BTG4: variants seen among roughly 807,000 people sequenced by gnomAD.
BTG4 encodes the protein protein BTG4.
BTG4 carries 10 observed loss-of-function variants against 19.3 expected under a neutral mutation model. The ratio of observed to expected loss-of-function variants is 0.52; its 90% CI spans 0.32 to 0.88. BTG4 has a LOEUF of 0.88. BTG4 is among the 40% of genes least tolerant of loss of function. BTG4 has a pLI of 0.04. For synonymous variants in BTG4, 91 were observed against 95.7 expected (o/e 0.95, Z 0.29); for missense variants, 238 against 281.9 (o/e 0.84, Z 1.11).
At chr11:111,434,331 C>T in the BTG4 span, among the ~76,000 whole-genome samples, 3 of 152,142 alleles carry the variant, frequency 2.0e-5, no homozygotes, top group African/African-American at 7.2e-5. Context: ...TGTTCTCACT[C>T]ATAAGTGGGA....
At chr11:111,482,453 T>A (rs900675108) in intron 5 of BTG4, among the ~76,000 whole-genome samples, 1 of 152,060 alleles carries the variant, frequency 6.6e-6, no homozygotes, top group Non-Finnish European at 1.5e-5. Context: ...ATAGACAAGA[T>A]CATTCCAAAA....
At chr11:111,435,615 C>A in the BTG4 span, among the ~76,000 whole-genome samples, 1 of 152,180 alleles carries the variant, frequency 6.6e-6, no homozygotes, top group Admixed American at 6.5e-5. Flanking sequence ...AAACAAGCTG[C>A]CTACCCTGTC....
intron 2 of BTG4, 151 bp from the exon 3 acceptor site, chr11:111,498,286 G>GT: frequency 1.2e-6 from 1 of 834,144 alleles, no homozygotes; most frequent in Non-Finnish European, 1.9e-6. Context: ...ACTCTTACAA[G>GT]TAAGACATCA....
At chr11:111,446,203 G>C in the BTG4 span, among the ~76,000 whole-genome samples, 87,542 of 152,086 alleles carry the variant, frequency 0.58, 25,735 homozygotes, top group East Asian at 0.64. Flanking sequence ...GAGCGAACAG[G>C]CTTCAGAGCA....
intron 1 of BTG4, among the ~76,000 whole-genome samples, chr11:111,506,383 GAA>G (rs1389432337): frequency 6.6e-6 from 1 of 152,068 alleles, no homozygotes; most frequent in Non-Finnish European, 1.5e-5. Context: ...CCCAGAAGCA[GAA>G]AATAAAATAT....
chr11:111,465,561 T>G (rs111985287), downstream of BTG4, among the ~76,000 whole-genome samples: 630 of 152,280 alleles, frequency 4.1e-3, 3 homozygotes, highest in African/African-American at 0.014. Flanking sequence ...CCTGGATAGG[T>G]CAAGAAAGTA....
intron 1 of BTG4, among the ~76,000 whole-genome samples, chr11:111,507,275 T>C (rs948539826): frequency 1.3e-5 from 2 of 152,198 alleles, no homozygotes; most frequent in Non-Finnish European, 2.9e-5. Flanking sequence ...AGGGGAAAGT[T>C]TATTAACTTT....
chr11:111,403,319 T>C, the BTG4 span, among the ~76,000 whole-genome samples: 4 of 152,214 alleles, frequency 2.6e-5, no homozygotes, highest in South Asian at 8.3e-4. Flanking sequence ...AACACTTCTG[T>C]TGTTTTCCTC....
intron 1 of BTG4, among the ~76,000 whole-genome samples, chr11:111,501,166 G>T (rs1316201579): frequency 6.6e-6 from 1 of 152,096 alleles, no homozygotes; most frequent in East Asian, 1.9e-4. Flanking sequence ...AGGAGTTTGA[G>T]GCCGGCCTGG....
At chr11:111,473,378 A>G (rs909520930) in intron 5 of BTG4, 1 of 152,624 alleles carries the variant, frequency 6.6e-6, no homozygotes, top group Non-Finnish European at 1.5e-5. Context: ...CTGCAGAACA[A>G]CAAATCCTAA....
At chr11:111,445,418 C>A in the BTG4 span, among the ~76,000 whole-genome samples, 1 of 152,148 alleles carries the variant, frequency 6.6e-6, no homozygotes. Flanking sequence ...ATCCTCTGAG[C>A]CTTTTCAGCC....
chr11:111,439,805 C>A, the BTG4 span, among the ~76,000 whole-genome samples: 1 of 152,162 alleles, frequency 6.6e-6, no homozygotes, highest in South Asian at 2.1e-4. Context: ...CAGCACTTTA[C>A]GTTTTGGCTC....
chr11:111,456,247 G>A, the BTG4 span, among the ~76,000 whole-genome samples: 3 of 152,134 alleles, frequency 2.0e-5, no homozygotes, highest in Non-Finnish European at 4.4e-5. This position sits in a 1 kb window ranked among gnomAD's most constrained non-coding sequence, Gnocchi z 4.2. Flanking sequence ...TGGGAATCCC[G>A]TAGCCCCCCT....
At chr11:111,479,410 G>A (rs930093080) in intron 5 of BTG4, among the ~76,000 whole-genome samples, 31 of 152,024 alleles carry the variant, frequency 2.0e-4, no homozygotes, top group African/African-American at 6.8e-4. Context: ...AGGAGTATAA[G>A]ACGAGCCTGG....
intron 5 of BTG4, among the ~76,000 whole-genome samples, chr11:111,482,981 A>T (rs1864832717): frequency 6.6e-6 from 1 of 152,178 alleles, no homozygotes; most frequent in Admixed American, 6.6e-5. Flanking sequence ...TTAAGAGGAT[A>T]AAACACAACG....
chr11:111,508,063 G>A (rs1197660475), intron 1 of BTG4: 1 of 152,128 alleles, frequency 6.6e-6, no homozygotes, highest in African/African-American at 2.4e-5. Flanking sequence ...ATTATTCTCT[G>A]ACTAGATTTT....
chr11:111,425,122 T>G, the BTG4 span, among the ~76,000 whole-genome samples: 2 of 152,226 alleles, frequency 1.3e-5, no homozygotes, highest in African/African-American at 4.8e-5. Flanking sequence ...AATGGGTAGG[T>G]GTGGAACAAA....
At chr11:111,467,248 T>C (rs1787568113), downstream of BTG4, among the ~76,000 whole-genome samples, 1 of 152,184 alleles carries the variant, frequency 6.6e-6, no homozygotes, top group Non-Finnish European at 1.5e-5. Context: ...TTACATAAAC[T>C]TACCCAAGAT....
the BTG4 span, among the ~76,000 whole-genome samples, chr11:111,386,740 G>A: frequency 3.3e-5 from 5 of 152,180 alleles, no homozygotes; most frequent in Admixed American, 1.3e-4. Context: ...GGACAGTAAT[G>A]GGCTCCGAGG....
Sources: gnomAD v4.1 joint callset for allele counts (sites outside exome capture counted in the v4.1 genomes callset) on GRCh38, gnomAD v4.1.1 for gene constraint, Gnocchi (gnomAD v3.1) non-coding constraint, MANE v1.5 for transcripts, NCBI Gene and HGNC (gene_info 2026-07-23, HGNC 2026-07-21) for gene names.